Variants in CDK5RAP3 observed in about 807,000 individuals in gnomAD.
The protein encoded by CDK5RAP3 is CDK5 regulatory subunit-associated protein 3.
A neutral mutation model predicts 73.3 loss-of-function variants in CDK5RAP3; 58 were observed. The ratio of observed to expected loss-of-function variants is 0.79; its 90% CI spans 0.64 to 0.98. CDK5RAP3 has a LOEUF of 0.98. Among genes scored for constraint, CDK5RAP3 ranks in the 50% least tolerant of loss-of-function variants. CDK5RAP3 has a pLI of 0.00. For synonymous variants in CDK5RAP3, 224 were observed against 247.5 expected (o/e 0.91, Z 0.89); for missense variants, 525 against 615.8 (o/e 0.85, Z 1.56).
chr17:47,978,861 C>G lies in CDK5RAP3; in HGVS notation c.1021C>G (p.Leu341Val). ...PEGVARGPDA[L>V]TLLEYTETRN... ...AGGTGTTGCCAGGGGCCCAGATGCC[C>G]TGACACTGCTTGAATACACTGAGAC... The change falls in exon 11 of 14, where the codon CTG becomes GTG. Residue 341 changes from leucine to valine, a missense_variant. This residue lies in a region of CDK5RAP3 where 409 missense variants were observed against 429.8 expected (regional missense o/e 0.95). Transcript: ENST00000338399. 1 of 1,614,014 alleles carries G rather than the reference C, an allele frequency of 6.2e-7. No homozygotes were observed. Among genetic ancestry groups the G allele is most frequent in the South Asian group, 1.1e-5 (1 of 91,078 alleles).
chr17:47,970,662 C>A (rs2036238191), upstream of CDK5RAP3: 2 of 1,535,652 alleles, frequency 1.3e-6, no homozygotes, highest in African/African-American at 1.4e-5. Flanking sequence ...CAAAGCATGA[C>A]AAGTGCCACA....
Position 47,980,674 on chromosome 17 carries a change from C to T in CDK5RAP3, c.1159C>T (p.Pro387Ser). 6.2e-7 allele frequency: 1 copy of T among 1,614,090 alleles called. No individual in the cohort carries two copies. Among genetic ancestry groups the T allele is most frequent in the Non-Finnish European group, 8.5e-7 (1 of 1,180,014 alleles). Residue 387 changes from proline to serine, a missense_variant, in exon 12 of 14, where the codon CCA becomes TCA. Pro to Ser is a moderately conservative substitution (Grantham distance 74). Transcript: ENST00000338399. Reference protein sequence around the residue: ...VLSVSQFQLAPAILQGQTKEK... With the variant: ...VLSVSQFQLASAILQGQTKEK... ...GTCTGTGAGCCAGTTCCAGCTGGCT[C>T]CAGCCATCCTGCAGGGCCAGACCAA...
Position 47,981,290 on chromosome 17 carries a change from A to G in CDK5RAP3, c.1411A>G (p.Lys471Glu). ...TGAGGAGCAGGCGGCTCTGGAGCCT[A>G]AGCTGGACCTGCTACTGGAGAAGAC... ...ALEEQAALEP[K>E]LDLLLEKTKE... The change falls in exon 13 of 14, where the codon AAG (lysine) becomes GAG (glutamate). Residue 471 changes from lysine (K) to glutamate (E), a missense_variant. Physicochemically the swap from Lys to Glu is moderately conservative, Grantham distance 56. Coordinates refer to ENST00000338399, the MANE Select transcript of CDK5RAP3 (RefSeq NM_176096.3). 1.9e-6 allele frequency: 3 copies of G among 1,614,232 alleles called. No individual in the cohort carries two copies. The highest frequency in any genetic ancestry group is 2.5e-6 in the Non-Finnish European group (3 of 1,180,040).
At chr17:47,976,152 G>T in intron 8 of CDK5RAP3, 139 bp downstream of exon 8, 2 of 1,076,540 alleles carry the variant, frequency 1.9e-6, no homozygotes, top group South Asian at 3.3e-5. Flanking sequence ...AAGGGCCCAG[G>T]AGGCCCTACT....
At chr17:47,975,046 G>C in intron 5 of CDK5RAP3, 113 bp from the exon 6 acceptor site, 1 of 1,606,654 alleles carries the variant, frequency 6.2e-7, no homozygotes, top group Non-Finnish European at 8.5e-7. Flanking sequence ...GAACAAGTGG[G>C]GCTGGGAAGC....
intron 10 of CDK5RAP3, among the ~76,000 whole-genome samples, chr17:47,978,273 G>A (rs1567726604): frequency 6.6e-6 from 1 of 151,884 alleles, no homozygotes; most frequent in East Asian, 1.9e-4. Context: ...GTTTCTCCAT[G>A]TTGGTCAGGC....
intron 10 of CDK5RAP3, 140 bp downstream of exon 10, chr17:47,978,050 C>A: frequency 1.9e-6 from 1 of 535,080 alleles, no homozygotes; most frequent in Non-Finnish European, 3.3e-6. Flanking sequence ...AGGATGTGAG[C>A]TGAGGGGGAC....
upstream of CDK5RAP3, among the ~76,000 whole-genome samples, chr17:47,970,193 G>C (rs996582900): frequency 6.6e-6 from 1 of 152,072 alleles, no homozygotes; most frequent in Non-Finnish European, 1.5e-5. Flanking sequence ...TGTCTGAAGG[G>C]ATGAAGTCCA....
upstream of CDK5RAP3, chr17:47,970,705 G>A (rs566482980): frequency 2.7e-5 from 41 of 1,535,652 alleles, no homozygotes; most frequent in Admixed American, 2.7e-4. Flanking sequence ...ATGGTAAAGC[G>A]ACGCAAGGAG....
chr17:47,968,751 C>G (rs2036213819), upstream of CDK5RAP3, among the ~76,000 whole-genome samples: 1 of 152,042 alleles, frequency 6.6e-6, no homozygotes, highest in Admixed American at 6.6e-5. Context: ...CTCCTGACCT[C>G]GTGATCCACC....
upstream of CDK5RAP3, chr17:47,970,716 G>A (rs1181930519): frequency 6.5e-7 from 1 of 1,535,606 alleles, no homozygotes; most frequent in Non-Finnish European, 8.7e-7. Context: ...ACGCAAGGAG[G>A]GAAGAAGGTA....
chr17:47,979,568 A>C (rs1240789017), intron 11 of CDK5RAP3: 1 of 152,610 alleles, frequency 6.6e-6, no homozygotes, highest in Non-Finnish European at 1.5e-5. Flanking sequence ...CTCTGAGTGA[A>C]CTGGGAAGCT....
intron 1 of CDK5RAP3, 29 bp from the exon 2 acceptor site, chr17:47,971,333 G>T: frequency 6.2e-7 from 1 of 1,605,206 alleles, no homozygotes; most frequent in Non-Finnish European, 8.5e-7. Flanking sequence ...CCGCGCTCAC[G>T]CCCCCCTCCT....
upstream of CDK5RAP3, chr17:47,970,406 T>C: frequency 2.0e-6 from 1 of 490,624 alleles, no homozygotes; most frequent in Non-Finnish European, 3.7e-6. Context: ...TTGCCCGTCC[T>C]GCCTGCCTGT....
At chr17:47,968,603 C>T (rs1343794496), upstream of CDK5RAP3, among the ~76,000 whole-genome samples, 1 of 152,230 alleles carries the variant, frequency 6.6e-6, no homozygotes, top group African/African-American at 2.4e-5. Context: ...CTGCAACCTC[C>T]GCCTCCCGGG....
intron 11 of CDK5RAP3, chr17:47,979,224 T>C (rs1304224936): frequency 7.5e-6 from 2 of 266,014 alleles, no homozygotes; most frequent in African/African-American, 2.2e-5. Context: ...ATAAATAAAA[T>C]ATGCAGGATG....
intron 3 of CDK5RAP3, 74 bp downstream of exon 3, chr17:47,973,724 T>C (rs2036323453): frequency 4.4e-6 from 7 of 1,576,736 alleles, no homozygotes; most frequent in Non-Finnish European, 5.2e-6. Flanking sequence ...TACTCTCTTG[T>C]TATTTAGCCA....
At chr17:47,968,515 T>TTTTTG (rs563786270), upstream of CDK5RAP3, among the ~76,000 whole-genome samples, 970 of 151,452 alleles carry the variant, frequency 6.4e-3, 8 homozygotes, top group Non-Finnish European at 9.9e-3. Flanking sequence ...GTTTGTTTGT[T>TTTTTG]TTTTGTTTTG....
intron 2 of CDK5RAP3, among the ~76,000 whole-genome samples, chr17:47,972,073 T>A (rs1182899116): frequency 6.8e-6 from 1 of 147,340 alleles, no homozygotes; most frequent in Non-Finnish European, 1.5e-5. Context: ...CCACTGTCCA[T>A]GCCTTTTGCA....
Sources: allele counts gnomAD v4.1 joint callset (sites outside exome capture counted in the v4.1 genomes callset), GRCh38; gene constraint gnomAD v4.1.1; regional missense constraint gnomAD v4.1.1; transcripts MANE v1.5; gene names NCBI Gene and HGNC (gene_info 2026-07-23, HGNC 2026-07-21).